The following DOCK5 variants were observed in gnomAD, a reference collection of about 807,000 sequenced individuals.
DOCK5 encodes dedicator of cytokinesis 5.
DOCK5 carries 142 observed loss-of-function variants against 251.8 expected under a neutral mutation model. The ratio of observed to expected loss-of-function variants is 0.56; its 90% CI spans 0.49 to 0.65. The LOEUF (loss-of-function observed/expected upper bound fraction) is 0.65. DOCK5 is among the 30% of genes least tolerant of loss of function. The probability of loss-of-function intolerance (pLI) is 0.00; values close to 1 mark genes in which losing one functional copy is unlikely to be tolerated. For missense variants in DOCK5, 2,111 were observed against 2,312.3 expected (o/e 0.91, Z 1.79); for synonymous variants, 842 against 835.5 (o/e 1.01, Z -0.13).
In DOCK5 at chr8:25,390,215, G is replaced by A. The variant is rs766626264; in HGVS notation, c.4283G>A (p.Cys1428Tyr). The A allele has an allele frequency of 7.6e-5, 121 of 1,588,844 alleles. No homozygotes were observed. The highest frequency in any genetic ancestry group is 6.9e-5 in the Non-Finnish European group (81 of 1,167,140). The part of the protein sequence containing the change: ...IKSSPKQYMQ[C>Y]FTVKPVMSLP... ...TTAACGAGCTCTTCAGACATGCAGT[G>A]CTTCACTGTAAAGCCAGTGATGAGC... The change falls in exon 42 of 52, where the codon TGC (cysteine) becomes TAC (tyrosine). Residue 1428 changes from cysteine (C) to tyrosine (Y), a missense_variant. By Grantham distance (194) the Cys-to-Tyr change is radical. Coordinates refer to ENST00000276440, the MANE Select transcript of DOCK5 (RefSeq NM_024940.8).
chr8:25,335,280 A>G (rs920676739), intron 21 of DOCK5, among the ~76,000 whole-genome samples: 4 of 152,212 alleles, frequency 2.6e-5, no homozygotes, highest in African/African-American at 4.8e-5. Flanking sequence ...CAGGTGGGCA[A>G]TAGCTACAAA....
rs1327166226 is a variant in DOCK5, at chr8:25,332,705, A to T, written c.2091+13A>T. The stretch of plus-strand genomic sequence containing the variant: ...GTTTGACGCACTGGTAAGCAGTTAA[A>T]CATATTAACTAGTGTTTATTGTTGC... On this transcript the variant is annotated intron_variant, in intron 20 of 51. Coordinates refer to ENST00000276440, the MANE Select transcript of DOCK5 (RefSeq NM_024940.8). The T allele has an allele frequency of 1.3e-6, 2 of 1,591,186 alleles. No individual in the cohort carries two copies. Among genetic ancestry groups the T allele is most frequent in the African/African-American group, 2.7e-5 (2 of 74,266 alleles).
chr8:25,355,400 G>A (rs1800549366), intron 27 of DOCK5, among the ~76,000 whole-genome samples: 1 of 151,794 alleles, frequency 6.6e-6, no homozygotes, highest in African/African-American at 2.4e-5. Flanking sequence ...AACCCAAGAG[G>A]GTTTACTCAA....
chr8:25,354,731 C>T (rs1800537822), intron 27 of DOCK5, among the ~76,000 whole-genome samples: 1 of 152,092 alleles, frequency 6.6e-6, no homozygotes, highest in Non-Finnish European at 1.5e-5. Flanking sequence ...CAGTTTATTC[C>T]AGATATTCAA....
At chr8:25,381,071 C>T (rs1237165625) in intron 39 of DOCK5, among the ~76,000 whole-genome samples, 1 of 151,740 alleles carries the variant, frequency 6.6e-6, no homozygotes, top group Non-Finnish European at 1.5e-5. Context: ...TAGACAGCCA[C>T]TCTTCTGAAT....
rs981421684 is a variant in DOCK5, at chr8:25,374,592, C to T, written c.3754C>T (p.Arg1252Ter). ...RYLYKLRDLH[R>*]DCENYTEAAY... ...TCTGTACAAGCTTCGAGATTTGCAC[C>T]GAGACTGTGAGAACTACACAGAAGC... The change falls in exon 37 of 52, where the codon CGA becomes TGA. Residue 1252 changes from arginine (R) to a stop codon, truncating the protein, a stop_gained. Coordinates refer to ENST00000276440, the MANE Select transcript of DOCK5 (RefSeq NM_024940.8). LOFTEE classifies it high-confidence loss of function. The T allele has an allele frequency of 1.2e-5, 20 of 1,611,280 alleles. No homozygotes were observed. The highest frequency in any genetic ancestry group is 3.4e-5 in the Admixed American group (2 of 59,246).
intron 43 of DOCK5, 114 bp from the exon 44 acceptor site, chr8:25,392,682 A>G: frequency 1.1e-6 from 1 of 889,648 alleles, no homozygotes; most frequent in Non-Finnish European, 1.8e-6. Context: ...TTGAGAATAG[A>G]ATCTCACTTA....
chr8:25,200,229 G>A (rs1471589911), intron 1 of DOCK5, among the ~76,000 whole-genome samples: 1 of 152,162 alleles, frequency 6.6e-6, no homozygotes, highest in African/African-American at 2.4e-5. Context: ...GATTAAAAAT[G>A]CACATACCCT....
chr8:25,225,785 C>T (rs1005026467), intron 1 of DOCK5, among the ~76,000 whole-genome samples: 1 of 151,726 alleles, frequency 6.6e-6, no homozygotes, highest in Non-Finnish European at 1.5e-5. Context: ...GTGAAATAAG[C>T]CAGACACAAA....
intron 45 of DOCK5, among the ~76,000 whole-genome samples, chr8:25,396,364 G>A (rs1801345716): frequency 6.6e-6 from 1 of 152,132 alleles, no homozygotes; most frequent in Non-Finnish European, 1.5e-5. Context: ...TTGGGTGGCG[G>A]AATTAGCTTC....
At chr8:25,341,163 A>G (rs937248766) in intron 23 of DOCK5, among the ~76,000 whole-genome samples, 175 bp downstream of exon 23, 1 of 152,186 alleles carries the variant, frequency 6.6e-6, no homozygotes, top group Non-Finnish European at 1.5e-5. Flanking sequence ...TTTAACTTCT[A>G]CAGAGCTTGT....
intron 1 of DOCK5, among the ~76,000 whole-genome samples, chr8:25,210,043 T>TATAAAA (rs1563309184): frequency 0.18 from 4,422 of 25,184 alleles, 1,593 homozygotes; most frequent in African/African-American, 0.36. Flanking sequence ...TAAATGTGTG[T>TATAAAA]GTGTGTGTGT....
intron 41 of DOCK5, 144 bp downstream of exon 41, chr8:25,389,376 T>C: frequency 8.7e-7 from 1 of 1,146,492 alleles, no homozygotes; most frequent in Non-Finnish European, 1.2e-6. Context: ...CCATTCCATG[T>C]AAAATCTTTG....
At position 25,373,644 on chromosome 8, in the gene DOCK5, G is replaced by A; in HGVS notation, c.3711G>A (p.Glu1237=). 3.1e-6 allele frequency: 5 copies of A among 1,596,206 alleles called. No homozygotes were observed. The highest frequency in any genetic ancestry group is 4.3e-6 in the Non-Finnish European group (5 of 1,171,100). Residue 1237 remains glutamate, a synonymous_variant, in exon 36 of 52, where the codon GAG becomes GAA. Coordinates refer to ENST00000276440, the MANE Select transcript of DOCK5 (RefSeq NM_024940.8). ...ACTTTTATAAAGAAAAGAAGAGAGAGGACATATACATAAGGTAAGCTGAAG... is the reference window on the plus strand; with the variant it reads ...ACTTTTATAAAGAAAAGAAGAGAGAAGACATATACATAAGGTAAGCTGAAG... The part of the protein sequence containing the change: ...VLNFYKEKKR[E]DIYIRYLYKL...
intron 5 of DOCK5, among the ~76,000 whole-genome samples, chr8:25,286,829 A>C (rs778259759): frequency 6.6e-6 from 1 of 152,000 alleles, no homozygotes; most frequent in Non-Finnish European, 1.5e-5. Context: ...ACATCTGGCT[A>C]ATTTTTTATT....
intron 2 of DOCK5, among the ~76,000 whole-genome samples, chr8:25,263,353 G>A (rs1371772596): frequency 1.3e-5 from 2 of 151,690 alleles, no homozygotes; most frequent in African/African-American, 2.4e-5. Context: ...GTATGCATTT[G>A]TATAAATACA....
At position 25,388,052 on chromosome 8, in the gene DOCK5, T is replaced by G. The variant is rs566484580; in HGVS notation, c.4132-1039T>G. 4.6e-5 allele frequency among the ~76,000 whole-genome samples: 7 copies of G among 152,276 alleles called. No individual in the cohort carries two copies. The East Asian group carries it at 1.2e-3, about 25-fold the overall frequency. ...AAGTTTTATCATATATTCCAAAAGA[T>G]CCAGTAGTTTTTACTCCCTTCATTC... On this transcript the variant is annotated intron_variant, in intron 40 of 51. Coordinates refer to ENST00000276440, the MANE Select transcript of DOCK5 (RefSeq NM_024940.8).
chr8:25,287,263 C>G (rs186702149), intron 5 of DOCK5, among the ~76,000 whole-genome samples: 1 of 152,136 alleles, frequency 6.6e-6, no homozygotes, highest in Non-Finnish European at 1.5e-5. Flanking sequence ...ACTGTCTCTA[C>G]TAAAAATAAG....
chr8:25,199,564 G>T (rs1801829848), intron 1 of DOCK5, among the ~76,000 whole-genome samples: 1 of 152,030 alleles, frequency 6.6e-6, no homozygotes, highest in African/African-American at 2.4e-5. Flanking sequence ...TTGTATTTTA[G>T]TAGAGACGGG....
Sources: gnomAD v4.1 joint callset for allele counts (sites outside exome capture counted in the v4.1 genomes callset) on GRCh38, gnomAD v4.1.1 for gene constraint, MANE v1.5 for transcripts, NCBI Gene and HGNC (gene_info 2026-07-23, HGNC 2026-07-21) for gene names.